Variants in PPID observed in about 807,000 individuals in gnomAD.
PPID encodes the protein peptidyl-prolyl cis-trans isomerase D.
In PPID, 47 loss-of-function variants were observed where a neutral mutation model predicts 48.1. That is an observed-to-expected ratio of 0.98 (90% confidence interval 0.77 to 1.25). PPID has a LOEUF of 1.25. Among genes scored for constraint, PPID ranks in the 50% most tolerant of loss-of-function variants. The pLI, the probability that PPID is intolerant of heterozygous loss-of-function variation, is 0.00. For synonymous variants in PPID, 163 were observed against 148.8 expected, an observed-to-expected ratio of 1.10 and a Z score of -0.69; for missense variants, 429 against 443.5, an observed-to-expected ratio of 0.97 and a Z score of 0.29.
chr4:158,714,544 G>A (rs1020560638), intron 6 of PPID, among the ~76,000 whole-genome samples: 1 of 150,740 alleles, frequency 6.6e-6, no homozygotes, highest in South Asian at 2.1e-4. Context: ...TTGGACCCTT[G>A]ATTTTTCTAA....
At chr4:158,711,770 C>G (rs1407026482) in intron 7 of PPID, among the ~76,000 whole-genome samples, 1 of 151,900 alleles carries the variant, frequency 6.6e-6, no homozygotes, top group Non-Finnish European at 1.5e-5. Flanking sequence ...GTTAAGAGAC[C>G]AGCCTGGGCA....
chr4:158,717,515 C>T (rs910879783), intron 3 of PPID, among the ~76,000 whole-genome samples: 47 of 152,088 alleles, frequency 3.1e-4, no homozygotes, highest in African/African-American at 1.1e-3. Context: ...TGAGAAAATA[C>T]TTACACTTCA....
At position 158,723,365 on chromosome 4, in the gene PPID, G is replaced by C. The variant is rs561454071; in HGVS notation, c.-77C>G. ...CCGGGCCGCCCAAACTCCAGAGTCC[G>C]TCTCCGCCGGAGACCGGCAGCGACG... On this transcript the variant is annotated 5_prime_UTR_variant, in exon 1 of 10. Transcript: ENST00000307720. 7.0e-5 allele frequency: 99 copies of C among 1,422,270 alleles called. No individual in the cohort carries two copies. The highest frequency in any genetic ancestry group is 9.0e-5 in the Non-Finnish European group (92 of 1,022,368). The allele number at this position is 1,422,270 out of a possible 1,614,324, so 88.1% of individuals were successfully genotyped here.
At position 158,723,334 on chromosome 4, in the gene PPID, G is replaced by A; in HGVS notation, c.-46C>T. 3.2e-6 allele frequency: 5 copies of A among 1,556,354 alleles called. No homozygotes were observed. The highest frequency in any genetic ancestry group is 2.3e-5 in the East Asian group (1 of 43,908). On this transcript the variant is annotated 5_prime_UTR_variant, in exon 1 of 10. Coordinates refer to ENST00000307720, the MANE Select transcript of PPID (RefSeq NM_005038.3). ...AGTACGGAATATCAGAGTACCTAGTGGCCGCCCGGGCCGCCCAAACTCCAG... is the reference window on the plus strand; with the variant it reads ...AGTACGGAATATCAGAGTACCTAGTAGCCGCCCGGGCCGCCCAAACTCCAG...
rs1053750938 is a variant in PPID at position 158,709,366 on chromosome 4, T to C, written c.*370A>G. ...GACCAATATGGTGAAACCCCATCTC[T>C]ACTAAAAATACAAAAATTAGCTGGG... On this transcript the variant is annotated 3_prime_UTR_variant, in exon 10 of 10. Coordinates refer to ENST00000307720, the MANE Select transcript of PPID (RefSeq NM_005038.3). The C allele has an allele frequency of 6.0e-6, 1 of 166,584 alleles. No individual in the cohort carries two copies. The highest frequency in any genetic ancestry group is 1.3e-5 in the Non-Finnish European group (1 of 77,700). 10.3% of individuals were successfully genotyped at this position (166,584 alleles called of 1,614,324 possible). A position where few individuals can be genotyped will look rare whatever the true frequency, so the allele number is the denominator to read the frequency against.
chr4:158,717,173 C>T lies in PPID; in HGVS notation c.361G>A (p.Ala121Thr). The T allele has an allele frequency of 6.2e-7, 1 of 1,613,876 alleles. No homozygotes were observed. The highest frequency in any genetic ancestry group is 2.2e-5 in the East Asian group (1 of 44,868). The change falls in exon 4 of 10, where the codon GCA (alanine) becomes ACA (threonine). Residue 121 changes from alanine (A) to threonine (T), a missense_variant. Transcript: ENST00000307720. ...CCGTTTGTGTTGCGGCCTGCATTTG[C>T]CATGCTCAGTAAACCCTCCCGATCA... is the stretch of plus-strand genomic sequence containing the variant. ...KHDREGLLSMANAGRNTNGSQ... is the reference protein window; with the variant it reads ...KHDREGLLSMTNAGRNTNGSQ...
intron 6 of PPID, 23 bp from the exon 7 acceptor site, chr4:158,713,283 C>T (rs527469086): frequency 1.3e-6 from 2 of 1,573,242 alleles, no homozygotes; most frequent in African/African-American, 2.7e-5. Context: ...TTAATAAAAG[C>T]AGTATGAAAG....
intron 1 of PPID, among the ~76,000 whole-genome samples, chr4:158,722,691 A>G (rs1466923046): frequency 2.6e-5 from 4 of 152,236 alleles, no homozygotes; most frequent in Non-Finnish European, 5.9e-5. Flanking sequence ...TTAAGAGAAA[A>G]TGTTTGCTCA....
At chr4:158,722,397 G>A (rs1774977236) in intron 1 of PPID, among the ~76,000 whole-genome samples, 1 of 152,232 alleles carries the variant, frequency 6.6e-6, no homozygotes, top group Non-Finnish European at 1.5e-5. Context: ...AACCTCTGAA[G>A]CAAAAGCTGT....
chr4:158,717,372 A>T (rs1295821027), intron 3 of PPID, among the ~76,000 whole-genome samples, 172 bp from the exon 4 acceptor site: 1 of 152,032 alleles, frequency 6.6e-6, no homozygotes, highest in African/African-American at 2.4e-5. Context: ...ATTACTTTTT[A>T]TTTTTTTATA....
chr4:158,710,681 A>G lies in PPID; in HGVS notation c.982-11T>C, dbSNP rs1561254109. The G allele has an allele frequency of 1.2e-6, 2 of 1,613,362 alleles. No homozygotes were observed. Among genetic ancestry groups the G allele is most frequent in the Non-Finnish European group, 1.7e-6 (2 of 1,179,534 alleles). ...TTTCTTAAGATCAGCCTTTAATTGG[A>G]AAAAAACATTTAAGTTAGGTGTATG... On this transcript the variant is annotated splice_polypyrimidine_tract_variant and intron_variant, in intron 8 of 9. Transcript: ENST00000307720.
intron 9 of PPID, 168 bp downstream of exon 9, chr4:158,710,460 G>A: frequency 1.5e-6 from 1 of 674,244 alleles, no homozygotes; most frequent in East Asian, 2.7e-5. Context: ...TGAGGGCAGG[G>A]ACTTTGACTG....
Position 158,713,270 on chromosome 4 carries a change from GCATT to G in PPID, c.753-14_753-11del. 1.3e-6 allele frequency: 2 copies of G among 1,591,678 alleles called. No individual in the cohort carries two copies. Among genetic ancestry groups the G allele is most frequent in the Non-Finnish European group, 1.7e-6 (2 of 1,170,554 alleles). On this transcript the variant is annotated splice_polypyrimidine_tract_variant and intron_variant, in intron 6 of 9. Transcript: ENST00000307720. ...TGAACTGTCCACGTATCTGCAGAAT[GCATT>G]AATAAAAGCAGTATGAAAGACCACA...
chr4:158,721,743 G>A (rs889250273), intron 1 of PPID, among the ~76,000 whole-genome samples: 2 of 152,114 alleles, frequency 1.3e-5, no homozygotes, highest in African/African-American at 4.8e-5. Flanking sequence ...CCCAACCCCT[G>A]AAATCCACCA....
rs895473815 is a variant in PPID at position 158,709,425 on chromosome 4, G to C, written c.*311C>G. On this transcript the variant is annotated 3_prime_UTR_variant, in exon 10 of 10. Transcript: ENST00000307720. ...CACGTGCCTGTAATCCCAGCTACTTGGGAAGCTGAGGCAGGAGAATTGCTT... is the reference window on the plus strand; with the variant it reads ...CACGTGCCTGTAATCCCAGCTACTTCGGAAGCTGAGGCAGGAGAATTGCTT... The C allele has an allele frequency of 2.1e-5, 4 of 187,820 alleles. No individual in the cohort carries two copies. The highest frequency in any genetic ancestry group is 6.0e-5 in the Admixed American group (1 of 16,650). 11.6% of individuals were successfully genotyped at this position (187,820 alleles called of 1,614,324 possible).
At chr4:158,711,212 T>C (rs1774785221) in intron 7 of PPID, among the ~76,000 whole-genome samples, 1 of 152,132 alleles carries the variant, frequency 6.6e-6, no homozygotes, top group South Asian at 2.1e-4. Context: ...TCTTAAGTTA[T>C]AAACTCTTAA....
At chr4:158,710,053 C>A (rs148265269) in intron 9 of PPID, 1 of 517,122 alleles carries the variant, frequency 1.9e-6, no homozygotes, top group East Asian at 3.3e-5. Context: ...TCTGCCTCTA[C>A]ATTAGAGAAC....
chr4:158,721,215 T>C, intron 2 of PPID, 128 bp downstream of exon 2: 1 of 1,103,512 alleles, frequency 9.1e-7, no homozygotes, highest in Non-Finnish European at 1.3e-6. Context: ...ACTGCGTTAC[T>C]GCCTCAGACA....
At chr4:158,719,909 G>A (rs888397635) in intron 2 of PPID, among the ~76,000 whole-genome samples, 2 of 152,132 alleles carry the variant, frequency 1.3e-5, no homozygotes, top group African/African-American at 2.4e-5. Context: ...GCGAGATGAC[G>A]GGAAAGACAC....
Sources: gnomAD v4.1 joint callset for allele counts (sites outside exome capture counted in the v4.1 genomes callset) on GRCh38, gnomAD v4.1.1 for gene constraint, MANE v1.5 for transcripts, NCBI Gene and HGNC (gene_info 2026-07-23, HGNC 2026-07-21) for gene names.